Variants in RBFOX3 observed in about 807,000 individuals in gnomAD.
RBFOX3 encodes the protein RNA binding fox-1 homolog 3, also known as RNA binding protein fox-1 homolog 3.
RBFOX3 carries 17 observed loss-of-function variants against 48.7 expected under a neutral mutation model. That is an observed-to-expected ratio of 0.35 (90% CI 0.24 to 0.52). The LOEUF (loss-of-function observed/expected upper bound fraction) is 0.52. Ranked by LOEUF, RBFOX3 falls within the 20% of genes least tolerant of loss-of-function variation. RBFOX3 has a pLI of 0.94. For missense variants in RBFOX3, 382 were observed against 497.5 expected, an observed-to-expected ratio of 0.77 and a Z score of 2.21; for synonymous variants, 212 against 209.5, an observed-to-expected ratio of 1.01 and a Z score of -0.10.
At chr17:79,575,801 T>G (rs2092838772) in intron 1 of RBFOX3, among the ~76,000 whole-genome samples, 1 of 152,200 alleles carries the variant, frequency 6.6e-6, no homozygotes, top group African/African-American at 2.4e-5. Flanking sequence ...CATGCTATTT[T>G]TAGTCTGGCC....
At chr17:79,224,037 C>A (rs1310720396) in intron 4 of RBFOX3, among the ~76,000 whole-genome samples, 1 of 152,120 alleles carries the variant, frequency 6.6e-6, no homozygotes. Flanking sequence ...CTGCACACCT[C>A]GCCAGTTCTC....
At chr17:79,312,394 G>A (rs2145735929) in intron 2 of RBFOX3, among the ~76,000 whole-genome samples, 1 of 152,290 alleles carries the variant, frequency 6.6e-6, no homozygotes, top group South Asian at 2.1e-4. Flanking sequence ...ATGAGGAAGG[G>A]GCTGTGGTCT....
At chr17:79,251,092 C>T (rs2063884021) in intron 3 of RBFOX3, among the ~76,000 whole-genome samples, 1 of 152,076 alleles carries the variant, frequency 6.6e-6, no homozygotes, top group Non-Finnish European at 1.5e-5. Context: ...TGTGAGCTGC[C>T]GCGCCCGGCC....
chr17:79,356,181 G>A (rs2084945243), intron 2 of RBFOX3, among the ~76,000 whole-genome samples: 1 of 151,954 alleles, frequency 6.6e-6, no homozygotes, highest in Admixed American at 6.6e-5. Context: ...CTGCCTGAAT[G>A]TTCCTGCTTG....
At chr17:79,586,179 G>C (rs2093243816) in intron 1 of RBFOX3, among the ~76,000 whole-genome samples, 1 of 152,204 alleles carries the variant, frequency 6.6e-6, no homozygotes, top group Non-Finnish European at 1.5e-5. Context: ...ACCAAAAGAT[G>C]TCCTAGACAC....
At chr17:79,178,041 C>A (rs2050994237) in intron 4 of RBFOX3, among the ~76,000 whole-genome samples, 1 of 152,202 alleles carries the variant, frequency 6.6e-6, no homozygotes, top group Non-Finnish European at 1.5e-5. Context: ...AGCAACCCGC[C>A]GATCCTCCAC....
intron 3 of RBFOX3, among the ~76,000 whole-genome samples, chr17:79,305,588 A>C (rs527715288): frequency 6.6e-6 from 1 of 152,162 alleles, no homozygotes; most frequent in East Asian, 1.9e-4. Context: ...ACAGGGGAGA[A>C]AGACTTTGGG....
intron 1 of RBFOX3, among the ~76,000 whole-genome samples, chr17:79,567,180 CTTTTTT>C (rs1159762873): frequency 2.2e-5 from 2 of 92,076 alleles, no homozygotes; most frequent in East Asian, 3.3e-4. Context: ...TTCTTTCTTT[CTTTTTT>C]TTTTTTTTTT....
the RBFOX3 span, among the ~76,000 whole-genome samples, chr17:79,620,590 CA>C: frequency 8.0e-6 from 1 of 125,308 alleles, no homozygotes; most frequent in Non-Finnish European, 1.8e-5. Flanking sequence ...CGCACGCACA[CA>C]CACGCACGCA....
intron 2 of RBFOX3, among the ~76,000 whole-genome samples, chr17:79,427,378 C>A (rs574191967): frequency 6.6e-6 from 1 of 152,198 alleles, no homozygotes; most frequent in Non-Finnish European, 1.5e-5. Flanking sequence ...GTTGGGCTGG[C>A]GGGAAGCACC....
chr17:79,104,125 T>C lies in RBFOX3; in HGVS notation c.362A>G (p.Gln121Arg). 6.4e-7 allele frequency: 1 copy of C among 1,551,138 alleles called. No individual in the cohort carries two copies. Among genetic ancestry groups the C allele is most frequent in the Non-Finnish European group, 8.7e-7 (1 of 1,146,778 alleles). ...RDPDLRQMFG[Q>R]FGKILDVEII... ...CTCCACGTCTAAAATTTTTCCGAAT[T>C]GCTGCAGAGACAGAGACAAAGAGGG... The change falls in exon 7 of 15, where the codon CAA becomes CGA. Residue 121 changes from glutamine (Q) to arginine (R), a missense_variant and splice_region_variant. By Grantham distance (43) the Gln-to-Arg change is conservative. Around this residue, in one of 3 missense-constraint regions of RBFOX3, gnomAD observed 49 missense variants for 110.7 expected, o/e 0.44. Transcript: ENST00000693108.
intron 2 of RBFOX3, among the ~76,000 whole-genome samples, chr17:79,331,954 C>T (rs570232460): frequency 1.3e-5 from 2 of 152,248 alleles, no homozygotes. Context: ...GTGCACCCCA[C>T]GATGACAGTC....
At position 79,198,329 on chromosome 17, in the gene RBFOX3, A is replaced by G. The variant is rs2056106751; in HGVS notation, c.-34+37437T>C. Reference sequence around the variant, plus strand: ...CCTTGCAGGCACAGGTGCGGACAGGAAGGAGAGCCTGCACCTGGCGATGGT... The same window carrying G: ...CCTTGCAGGCACAGGTGCGGACAGGGAGGAGAGCCTGCACCTGGCGATGGT... On this transcript the variant is annotated intron_variant, in intron 4 of 14. Coordinates refer to ENST00000693108, the MANE Select transcript of RBFOX3 (RefSeq NM_001350451.2). The surrounding 1 kb of genome is among the most constrained non-coding windows in gnomAD (Gnocchi z 8.2). 6.6e-6 allele frequency among the ~76,000 whole-genome samples: 1 copy of G among 152,204 alleles called. No individual in the cohort carries two copies. Among genetic ancestry groups the G allele is most frequent in the Non-Finnish European group, 1.5e-5 (1 of 68,038 alleles).
At chr17:79,244,159 C>G (rs1279035571) in intron 3 of RBFOX3, among the ~76,000 whole-genome samples, 1 of 152,182 alleles carries the variant, frequency 6.6e-6, no homozygotes, top group Non-Finnish European at 1.5e-5. Context: ...CATAGTGGAA[C>G]AGACTGGGCC....
intron 3 of RBFOX3, among the ~76,000 whole-genome samples, chr17:79,279,796 T>C (rs1408275388): frequency 2.6e-5 from 4 of 152,100 alleles, no homozygotes; most frequent in African/African-American, 9.7e-5. Flanking sequence ...GGAGGTCACA[T>C]TCTCAGGAAA....
At chr17:79,290,726 G>A (rs1312638813) in intron 3 of RBFOX3, among the ~76,000 whole-genome samples, 1 of 152,184 alleles carries the variant, frequency 6.6e-6, no homozygotes, top group African/African-American at 2.4e-5. Flanking sequence ...AAGGCAGACG[G>A]ACAGGCATAG....
intron 4 of RBFOX3, among the ~76,000 whole-genome samples, chr17:79,192,925 TC>T (rs1340160545): frequency 6.6e-6 from 1 of 152,204 alleles, no homozygotes; most frequent in East Asian, 1.9e-4. Context: ...GCTTTTGCCA[TC>T]CCTGACCCCC....
intron 4 of RBFOX3, among the ~76,000 whole-genome samples, chr17:79,166,136 C>T (rs1234094703): frequency 2.6e-5 from 3 of 115,624 alleles, no homozygotes; most frequent in African/African-American, 3.3e-5. Flanking sequence ...GCTTGGCCCA[C>T]GCCCACCCCT....
At chr17:79,365,167 G>A (rs559051534) in intron 2 of RBFOX3, among the ~76,000 whole-genome samples, 7 of 152,016 alleles carry the variant, frequency 4.6e-5, no homozygotes, top group East Asian at 1.9e-4. Context: ...ACATGCACAC[G>A]GTATTTCTGG....
Sources: gnomAD v4.1 joint callset for allele counts (sites outside exome capture counted in the v4.1 genomes callset) on GRCh38, gnomAD v4.1.1 for gene constraint, gnomAD v4.1.1 regional missense constraint, Gnocchi (gnomAD v3.1) non-coding constraint, MANE v1.5 for transcripts, NCBI Gene and HGNC (gene_info 2026-07-23, HGNC 2026-07-21) for gene names.